The following MYLK variants were observed in gnomAD, a reference collection of about 807,000 sequenced individuals.
MYLK encodes myosin light chain kinase, smooth muscle.
Under a neutral mutation model 203.4 loss-of-function variants are expected in MYLK, and 106 were observed. That is an observed-to-expected ratio of 0.52 (90% CI 0.45 to 0.61). MYLK has a LOEUF of 0.61. Ranked by LOEUF, MYLK falls within the 20% of genes least tolerant of loss-of-function variation. The probability of loss-of-function intolerance (pLI) is 0.00; values close to 1 mark genes in which losing one functional copy is unlikely to be tolerated. For synonymous variants in MYLK, 867 were observed against 959.5 expected (o/e 0.90, Z 1.78); for missense variants, 2,072 against 2,442.3 (o/e 0.85, Z 3.20).
rs148845799 is a variant in MYLK at position 123,770,597 on chromosome 3, C to T, written c.166-18059G>A. 8.1e-4 allele frequency among the ~76,000 whole-genome samples: 124 copies of T among 152,280 alleles called. No homozygotes were observed. In the East Asian group the frequency reaches 0.01, roughly 12 times the overall value. Reference sequence around the variant, plus strand: ...ACGTGTTAATAGGATATTGAGGAAGCGGCTCAAGGTGTGTGAGGGGGTGAT... The same window carrying T: ...ACGTGTTAATAGGATATTGAGGAAGTGGCTCAAGGTGTGTGAGGGGGTGAT... On this transcript the variant is annotated intron_variant, in intron 4 of 33. Transcript: ENST00000360304.
intron 20 of MYLK, among the ~76,000 whole-genome samples, chr3:123,672,330 A>T (rs1052824564): frequency 2.6e-5 from 4 of 152,102 alleles, no homozygotes; most frequent in African/African-American, 9.7e-5. Flanking sequence ...GTGAGGACAC[A>T]GGGGAAAGAC....
At position 123,700,832 on chromosome 3, in the gene MYLK, G is replaced by A. The variant is rs1256471829; in HGVS notation, c.2636C>T (p.Thr879Met). The A allele has an allele frequency of 5.6e-6, 9 of 1,613,934 alleles. No individual in the cohort carries two copies. Among genetic ancestry groups the A allele is most frequent in the Non-Finnish European group, 5.9e-6 (7 of 1,180,020 alleles). Reference protein sequence around the residue: ...VRGVLKRRVETRQHTEEAIRQ... With the variant: ...VRGVLKRRVEMRQHTEEAIRQ... ...GATCGCCTCCTCAGTGTGCTGCCTC[G>A]TCTCCACGCGCCTCTTCAGCACCCC... Residue 879 changes from threonine to methionine, a missense_variant, in exon 18 of 34, where the codon ACG (threonine) becomes ATG (methionine). Physicochemically the swap from Thr to Met is moderately conservative, Grantham distance 81. Around this residue, in one of 3 missense-constraint regions of MYLK, gnomAD observed 865 missense variants for 1,016.0 expected, o/e 0.85. Coordinates refer to ENST00000360304, the MANE Select transcript of MYLK (RefSeq NM_053025.4).
At chr3:123,618,605 A>T in intron 33 of MYLK, 34 bp downstream of exon 33, 2 of 1,612,954 alleles carry the variant, frequency 1.2e-6, no homozygotes, top group Non-Finnish European at 1.7e-6. Flanking sequence ...GCCACACCCT[A>T]TTCATGGTGA....
intron 13 of MYLK, among the ~76,000 whole-genome samples, chr3:123,711,904 A>G (rs2061709022): frequency 6.6e-6 from 1 of 152,124 alleles, no homozygotes; most frequent in Admixed American, 6.5e-5. Flanking sequence ...GTTGCCACCG[A>G]ATTTTTATCC....
At chr3:123,670,205 A>G (rs2059871833) in intron 20 of MYLK, among the ~76,000 whole-genome samples, 1 of 152,208 alleles carries the variant, frequency 6.6e-6, no homozygotes, top group South Asian at 2.1e-4. Flanking sequence ...GATGTTATTC[A>G]GTCAACGTGA....
At chr3:123,805,696 G>A (rs184965659) in intron 3 of MYLK, among the ~76,000 whole-genome samples, 49 of 152,310 alleles carry the variant, frequency 3.2e-4, no homozygotes, top group East Asian at 2.1e-3. Flanking sequence ...GAGCCATCAC[G>A]TCACAGGCTT....
At chr3:123,795,132 T>A (rs2064938761) in intron 3 of MYLK, among the ~76,000 whole-genome samples, 1 of 152,200 alleles carries the variant, frequency 6.6e-6, no homozygotes, top group Non-Finnish European at 1.5e-5. Flanking sequence ...CCAATTTTGT[T>A]TTTATCAATA....
chr3:123,746,109 G>A (rs758740793), intron 5 of MYLK, among the ~76,000 whole-genome samples: 15 of 152,116 alleles, frequency 9.9e-5, no homozygotes, highest in Non-Finnish European at 2.2e-4. Context: ...GCCCACTTTG[G>A]CCTCCCAAAG....
At chr3:123,728,392 T>C (rs985644316) in intron 11 of MYLK, among the ~76,000 whole-genome samples, 3 of 152,040 alleles carry the variant, frequency 2.0e-5, no homozygotes, top group African/African-American at 7.2e-5. Flanking sequence ...GTGCCTGTAG[T>C]CTCACTTAGT....
intron 2 of MYLK, among the ~76,000 whole-genome samples, chr3:123,861,735 C>T (rs947468345): frequency 6.6e-6 from 1 of 152,206 alleles, no homozygotes; most frequent in Non-Finnish European, 1.5e-5. Context: ...GGTACCCCAG[C>T]AGGTACTTGA....
chr3:123,733,405 T>C (rs1339565075), intron 10 of MYLK, among the ~76,000 whole-genome samples: 1 of 152,132 alleles, frequency 6.6e-6, no homozygotes, highest in Non-Finnish European at 1.5e-5. Context: ...ATGTTGGCGA[T>C]AATGAGGGTG....
At chr3:123,689,533 G>A (rs1227987734) in intron 19 of MYLK, 1 of 118,478 alleles carries the variant, frequency 8.4e-6, no homozygotes, top group East Asian at 2.4e-4. Flanking sequence ...TGTGCAGGGT[G>A]GAGCCCCAAC....
chr3:123,869,084 C>A (rs1245685875), intron 2 of MYLK, among the ~76,000 whole-genome samples: 2 of 152,106 alleles, frequency 1.3e-5, no homozygotes, highest in Non-Finnish European at 2.9e-5. Context: ...GGCAATGAGG[C>A]CTCAGTCTGG....
Position 123,649,974 on chromosome 3 carries a change from G to A in MYLK, c.4289-780C>T, listed in dbSNP as rs576356725. On this transcript the variant is annotated intron_variant, in intron 24 of 33. Transcript: ENST00000360304. The stretch of plus-strand genomic sequence containing the variant: ...GAAACCAATAGGTATTTGTGAGGCA[G>A]GGCAGGGAGGGACACAGTCATGCCA... 5.9e-5 allele frequency among the ~76,000 whole-genome samples: 9 copies of A among 152,352 alleles called. No individual in the cohort carries two copies. In the South Asian group the frequency reaches 1.9e-3, roughly 32 times the overall value.
At chr3:123,631,227 GTC>G (rs1204794661) in intron 29 of MYLK, among the ~76,000 whole-genome samples, 1 of 152,054 alleles carries the variant, frequency 6.6e-6, no homozygotes, top group East Asian at 1.9e-4. Context: ...GTGAAGTCCT[GTC>G]TCTACTAAAA....
intron 31 of MYLK, among the ~76,000 whole-genome samples, chr3:123,626,197 AC>A (rs1161998544): frequency 6.6e-6 from 1 of 152,164 alleles, no homozygotes; most frequent in East Asian, 1.9e-4. Flanking sequence ...CTGGACACTC[AC>A]CATGTGCCAG....
At chr3:123,638,956 T>TA (rs1296329136) in intron 28 of MYLK, 1 of 985,346 alleles carries the variant, frequency 1.0e-6, no homozygotes, top group Non-Finnish European at 1.2e-6. Context: ...ACAAAGCATT[T>TA]AACAGCCCTC....
Position 123,700,446 on chromosome 3 carries a change from C to G in MYLK, c.3022G>C (p.Val1008Leu). 1 of 1,609,716 alleles carries G rather than the reference C, an allele frequency of 6.2e-7. No individual in the cohort carries two copies. The highest frequency in any genetic ancestry group is 8.5e-7 in the Non-Finnish European group (1 of 1,177,318). Reference sequence around the variant, plus strand: ...TTGCTCAGGGGCTTGGAACTCTCCACTGCCTTGGCATTCAGGGTCTCGGCA... The same window carrying G: ...TTGCTCAGGGGCTTGGAACTCTCCAGTGCCTTGGCATTCAGGGTCTCGGCA... ...SSAETLNAKAVESSKPLSNAQ... is the reference protein window; with the variant it reads ...SSAETLNAKALESSKPLSNAQ... The change falls in exon 18 of 34, where the codon GTG becomes CTG. Residue 1008 changes from valine to leucine, a missense_variant. Around this residue, in one of 3 missense-constraint regions of MYLK, gnomAD observed 865 missense variants for 1,016.0 expected, o/e 0.85. Coordinates refer to ENST00000360304, the MANE Select transcript of MYLK (RefSeq NM_053025.4).
At chr3:123,790,513 G>A (rs117899470) in intron 4 of MYLK, among the ~76,000 whole-genome samples, 1,643 of 152,244 alleles carry the variant, frequency 0.011, 60 homozygotes, top group Admixed American at 0.079. Flanking sequence ...CTTGGAAAGA[G>A]GCTTGAACCC....
Sources: gnomAD v4.1 joint callset for allele counts (sites outside exome capture counted in the v4.1 genomes callset) on GRCh38, gnomAD v4.1.1 for gene constraint, gnomAD v4.1.1 regional missense constraint, MANE v1.5 for transcripts, NCBI Gene and HGNC (gene_info 2026-07-23, HGNC 2026-07-21) for gene names.